The following RBFOX1 variants were observed in gnomAD, a reference collection of about 807,000 sequenced individuals.
The protein encoded by RBFOX1 is RNA binding protein fox-1 homolog 1.
Under a neutral mutation model 57.7 loss-of-function variants are expected in RBFOX1, and 8 were observed. That is an observed-to-expected ratio of 0.14 (90% CI 0.08 to 0.25). RBFOX1 has a LOEUF of 0.25. Ranked by LOEUF, RBFOX1 falls within the 10% of genes least tolerant of loss-of-function variation. The pLI is 1.00. For missense variants in RBFOX1, 611 were observed against 548.5 expected, an observed-to-expected ratio of 1.11 and a Z score of -1.14; for synonymous variants, 326 against 222.4, an observed-to-expected ratio of 1.47 and a Z score of -4.15.
chr16:5,773,668 G>C (rs1481844810), intron 3 of RBFOX1, among the ~76,000 whole-genome samples: 1 of 152,172 alleles, frequency 6.6e-6, no homozygotes, highest in Non-Finnish European at 1.5e-5. Flanking sequence ...CTGAAAAATA[G>C]AATTGCCAGG....
In RBFOX1 at chr16:5,268,901, A is replaced by G. The variant is rs187571270; in HGVS notation, c.219+28796A>G. ...CTAGTTTCTCTGCATCCTAACCAAC[A>G]CTTGTTATTTTCTCTATTTTTTTTT... On this transcript the variant is annotated intron_variant, in intron 1 of 2. Coordinates refer to the RBFOX1 transcript ENST00000585867. 3.0e-3 allele frequency among the ~76,000 whole-genome samples: 445 copies of G among 147,972 alleles called. 1 individual carries two copies. The highest frequency in any genetic ancestry group is 0.011 in the African/African-American group (427 of 40,496).
intron 1 of RBFOX1, among the ~76,000 whole-genome samples, chr16:6,225,660 T>C (rs1308990942): frequency 2.0e-5 from 3 of 152,208 alleles, no homozygotes; most frequent in Admixed American, 6.5e-5. Context: ...CCACCAAATT[T>C]GCATAATTTA....
chr16:5,582,193 G>A (rs1359198100), intron 2 of RBFOX1, among the ~76,000 whole-genome samples: 1 of 152,192 alleles, frequency 6.6e-6, no homozygotes, highest in East Asian at 1.9e-4. Context: ...CTCCCATGAG[G>A]TTGCACCACA....
intron 1 of RBFOX1, among the ~76,000 whole-genome samples, chr16:5,395,508 G>A (rs1290767253): frequency 1.3e-5 from 2 of 152,196 alleles, no homozygotes; most frequent in Non-Finnish European, 2.9e-5. Flanking sequence ...CTGCGTGGTT[G>A]AGGGAAATTT....
At chr16:5,249,216 G>A (rs2062382915) in intron 1 of RBFOX1, among the ~76,000 whole-genome samples, 2 of 152,150 alleles carry the variant, frequency 1.3e-5, no homozygotes, top group African/African-American at 4.8e-5. Flanking sequence ...CAGGTACGCA[G>A]GGGCTCTGTG....
chr16:5,570,167 T>C (rs1322185364), intron 2 of RBFOX1, among the ~76,000 whole-genome samples: 2 of 152,208 alleles, frequency 1.3e-5, no homozygotes, highest in East Asian at 1.9e-4. Context: ...TTCTTCCTTA[T>C]GTGCTCACTC....
chr16:7,429,415 C>G (rs752982631), intron 4 of RBFOX1, among the ~76,000 whole-genome samples: 29 of 152,342 alleles, frequency 1.9e-4, no homozygotes, highest in Non-Finnish European at 4.1e-4. Context: ...GCTAGCCCAT[C>G]AAAAGTGATC....
At chr16:7,571,025 A>G (rs1052033628) in intron 5 of RBFOX1, among the ~76,000 whole-genome samples, 1 of 152,190 alleles carries the variant, frequency 6.6e-6, no homozygotes, top group African/African-American at 2.4e-5. Flanking sequence ...AAGTGGGAGC[A>G]GGACAGTGAG....
At chr16:7,453,427 G>T (rs185512357) in intron 4 of RBFOX1, among the ~76,000 whole-genome samples, 1 of 152,064 alleles carries the variant, frequency 6.6e-6, no homozygotes, top group African/African-American at 2.4e-5. Context: ...TGGTCTTGCC[G>T]GCCATGATCG....
chr16:7,695,477 A>T (rs1418093282), intron 14 of RBFOX1, among the ~76,000 whole-genome samples: 1 of 151,832 alleles, frequency 6.6e-6, no homozygotes. Context: ...ACATGGTGAA[A>T]CCCCATCTCT....
intron 1 of RBFOX1, among the ~76,000 whole-genome samples, chr16:6,114,377 C>G (rs2096477322): frequency 6.6e-6 from 1 of 152,188 alleles, no homozygotes; most frequent in African/African-American, 2.4e-5. Flanking sequence ...AATTGTTGGA[C>G]TGTCTTTGAA....
chr16:6,918,947 A>G (rs1378467381), intron 3 of RBFOX1, among the ~76,000 whole-genome samples: 1 of 152,000 alleles, frequency 6.6e-6, no homozygotes, highest in Non-Finnish European at 1.5e-5. Context: ...TATTTCAAAC[A>G]CCATTTCTCC....
intron 3 of RBFOX1, among the ~76,000 whole-genome samples, chr16:6,984,725 C>G (rs376581933): frequency 1.4e-4 from 21 of 152,270 alleles, no homozygotes; most frequent in African/African-American, 5.1e-4. Flanking sequence ...ACTGCAACCT[C>G]TGCCTCCCAG....
intron 4 of RBFOX1, among the ~76,000 whole-genome samples, chr16:7,318,677 T>A (rs2096489078): frequency 1.3e-5 from 2 of 152,152 alleles, no homozygotes; most frequent in African/African-American, 4.8e-5. Context: ...AATACAGCTT[T>A]TAACAAAAAG....
chr16:5,289,114 G>C (rs2063470940), intron 1 of RBFOX1: 2 of 185,772 alleles, frequency 1.1e-5, no homozygotes, highest in East Asian at 2.5e-4. Context: ...GACAGAGGAA[G>C]ACTCTGTCTC....
intron 2 of RBFOX1, among the ~76,000 whole-genome samples, chr16:6,471,437 C>T (rs551599652): frequency 1.4e-4 from 21 of 152,226 alleles, no homozygotes; most frequent in African/African-American, 1.9e-4. Context: ...CTCCAGTAAA[C>T]GTATTCTACT....
At chr16:6,208,513 T>A (rs1385919799) in intron 1 of RBFOX1, among the ~76,000 whole-genome samples, 5 of 152,124 alleles carry the variant, frequency 3.3e-5, no homozygotes, top group Admixed American at 6.5e-5. Flanking sequence ...GCTTTGTCTG[T>A]CCCCATCTGG....
intron 3 of RBFOX1, among the ~76,000 whole-genome samples, chr16:6,997,661 A>T (rs576730481): frequency 6.6e-6 from 1 of 152,280 alleles, no homozygotes; most frequent in Admixed American, 6.5e-5. Flanking sequence ...TTGTCAGGGT[A>T]TTGTTCGGTT....
intron 1 of RBFOX1, among the ~76,000 whole-genome samples, chr16:6,021,347 C>T (rs1295731613): frequency 6.6e-6 from 1 of 152,008 alleles, no homozygotes; most frequent in Non-Finnish European, 1.5e-5. Flanking sequence ...ATCTTTGTTA[C>T]AAAAGAGAGA....
Sources: gnomAD v4.1 joint callset for allele counts (sites outside exome capture counted in the v4.1 genomes callset) on GRCh38, gnomAD v4.1.1 for gene constraint, MANE v1.5 for transcripts, NCBI Gene and HGNC (gene_info 2026-07-23, HGNC 2026-07-21) for gene names.